The following FAM118A variants were observed in gnomAD, a reference collection of about 807,000 sequenced individuals.
The protein encoded by FAM118A is protein FAM118A.
FAM118A carries 25 observed loss-of-function variants against 38.2 expected under a neutral mutation model. The ratio of observed to expected loss-of-function variants is 0.65; its 90% CI spans 0.48 to 0.91. The LOEUF (loss-of-function observed/expected upper bound fraction) is 0.91. FAM118A is among the 40% of genes least tolerant of loss of function. The probability of loss-of-function intolerance (pLI) is 0.00; values close to 1 mark genes in which losing one functional copy is unlikely to be tolerated. For synonymous variants in FAM118A, 178 were observed against 184.1 expected, an observed-to-expected ratio of 0.97 and a Z score of 0.27; for missense variants, 425 against 463.3, an observed-to-expected ratio of 0.92 and a Z score of 0.76.
chr22:45,330,816 C>A, intron 5 of FAM118A, 85 bp downstream of exon 5: 2 of 1,381,994 alleles, frequency 1.4e-6, no homozygotes, highest in Admixed American at 3.0e-5. Flanking sequence ...GAGTGGCTTC[C>A]CAGGCTCCAG....
At chr22:45,323,538 CAG>C in intron 3 of FAM118A, 111 bp downstream of exon 3, 1 of 1,383,974 alleles carries the variant, frequency 7.2e-7, no homozygotes, top group South Asian at 1.4e-5. Context: ...CAGTGCTCAG[CAG>C]AGTCGGGCTG....
At chr22:45,309,502 T>A (rs226504), upstream of FAM118A, 66,458 of 152,360 alleles carry the variant, frequency 0.44, 18,077 homozygotes, top group Non-Finnish European at 0.62. Context: ...CAGGTCTGGG[T>A]TGGGGACAGA....
chr22:45,320,684 C>G (rs2084824989), intron 1 of FAM118A, among the ~76,000 whole-genome samples: 1 of 152,166 alleles, frequency 6.6e-6, no homozygotes, highest in African/African-American at 2.4e-5. Flanking sequence ...GGGATCCTCC[C>G]ACCTCAGCCT....
chr22:45,329,707 G>C (rs544830364), intron 4 of FAM118A: 4 of 152,396 alleles, frequency 2.6e-5, no homozygotes, highest in Non-Finnish European at 4.4e-5. Flanking sequence ...ACTCCTGCCG[G>C]TAGTGCCATG....
In FAM118A at chr22:45,336,387, A is replaced by G. The variant is rs1439743369; in HGVS notation, c.1030A>G (p.Lys344Glu). Reference protein sequence around the residue: ...KLEENGIEVSKKRTQSDTDDA... With the variant: ...KLEENGIEVSEKRTQSDTDDA... ...AGAAGAGAATGGAATTGAAGTTTCA[A>G]AAAAACGCACACAATCAGATACTGG... The change falls in exon 8 of 9, where the codon AAA becomes GAA. Residue 344 changes from lysine to glutamate, a missense_variant. Coordinates refer to ENST00000441876, the MANE Select transcript of FAM118A (RefSeq NM_017911.4). 41 of 1,613,966 alleles carry G rather than the reference A, an allele frequency of 2.5e-5. No individual in the cohort carries two copies. The highest frequency in any genetic ancestry group is 3.4e-5 in the Non-Finnish European group (40 of 1,179,918).
At chr22:45,331,400 G>A in intron 5 of FAM118A, among the ~76,000 whole-genome samples, 1 of 152,056 alleles carries the variant, frequency 6.6e-6, no homozygotes, top group East Asian at 1.9e-4. Context: ...TAAATAGACA[G>A]GGTCTTGCTC....
At chr22:45,335,162 T>G in intron 6 of FAM118A, 188 bp from the exon 7 acceptor site, 1 of 598,248 alleles carries the variant, frequency 1.7e-6, no homozygotes, top group Non-Finnish European at 3.0e-6. Flanking sequence ...CTTCAGCGAG[T>G]CCTCGCACCA....
chr22:45,316,765 T>C (rs2084625316), intron 1 of FAM118A, among the ~76,000 whole-genome samples: 1 of 152,248 alleles, frequency 6.6e-6, no homozygotes, highest in South Asian at 2.1e-4. Context: ...ACTAATAGCC[T>C]ACTGTGTTGC....
intron 1 of FAM118A, 31 bp from the exon 2 acceptor site, chr22:45,322,338 CAG>C (rs772072566): frequency 6.3e-7 from 1 of 1,598,414 alleles, no homozygotes; most frequent in African/African-American, 1.3e-5. Flanking sequence ...ACCTGGGAGA[CAG>C]AAGTCACTTC....
At chr22:45,337,106 A>G (rs562014645) in intron 8 of FAM118A, among the ~76,000 whole-genome samples, 1 of 152,212 alleles carries the variant, frequency 6.6e-6, no homozygotes, top group African/African-American at 2.4e-5. Flanking sequence ...CATTCTTTAA[A>G]TAACATACTT....
Position 45,330,728 on chromosome 22 carries a change from C to A in FAM118A, c.648C>A (p.Val216=). The stretch of plus-strand genomic sequence containing the variant: ...AAGACGTCACTCAAGACGCAGAAGT[C>A]ATGGTACGGCCCGTCCTAATTAGCA... ...GYKDVTQDAE[V]MEVLQNLYRT... Residue 216 remains valine (V), a synonymous_variant, in exon 5 of 9, where the codon GTC becomes GTA. Coordinates refer to ENST00000441876, the MANE Select transcript of FAM118A (RefSeq NM_017911.4). 1.3e-6 allele frequency: 2 copies of A among 1,568,638 alleles called. No individual in the cohort carries two copies. Among genetic ancestry groups the A allele is most frequent in the South Asian group, 1.2e-5 (1 of 84,288 alleles).
rs556667822 is a variant in FAM118A, at chr22:45,328,917, A to G, written c.522+854A>G. On this transcript the variant is annotated intron_variant, in intron 4 of 8. Coordinates refer to ENST00000441876, the MANE Select transcript of FAM118A (RefSeq NM_017911.4). ...CCGGGGAGGCCTCAGGAAGTTTCCAATAGTGGCAGAAGGCAGAGTGGGAGC... is the reference window on the plus strand; with the variant it reads ...CCGGGGAGGCCTCAGGAAGTTTCCAGTAGTGGCAGAAGGCAGAGTGGGAGC... 16 of 159,090 alleles carry G rather than the reference A, an allele frequency of 1.0e-4. No individual in the cohort carries two copies. In the South Asian group the frequency reaches 2.6e-3, roughly 26 times the overall value. 9.9% of individuals were successfully genotyped at this position (159,090 alleles called of 1,614,324 possible). A position where few individuals can be genotyped will look rare whatever the true frequency, so the allele number is the denominator to read the frequency against.
At chr22:45,311,486 C>T (rs974653872) in intron 1 of FAM118A, among the ~76,000 whole-genome samples, 3 of 152,136 alleles carry the variant, frequency 2.0e-5, no homozygotes, top group Non-Finnish European at 4.4e-5. Flanking sequence ...AAGTGTCTCG[C>T]TAGAGACCTG....
Position 45,332,573 on chromosome 22 carries a change from A to G in FAM118A, c.800A>G (p.Asn267Ser). 1 of 1,614,174 alleles carries G rather than the reference A, an allele frequency of 6.2e-7. No individual in the cohort carries two copies. Among genetic ancestry groups the G allele is most frequent in the Non-Finnish European group, 8.5e-7 (1 of 1,180,022 alleles). Residue 267 changes from asparagine to serine, a missense_variant, in exon 6 of 9, where the codon AAT becomes AGT. Physicochemically the swap from Asn to Ser is conservative, Grantham distance 46 (BLOSUM62 1). Coordinates refer to ENST00000441876, the MANE Select transcript of FAM118A (RefSeq NM_017911.4). ...CACTACATGCTTGTGCTGAAGGAGA[A>G]TGAAGACCATTTCTTTAAGCATCAG... is the stretch of plus-strand genomic sequence containing the variant. Reference protein sequence around the residue: ...LEHYMLVLKENEDHFFKHQAD... With the variant: ...LEHYMLVLKESEDHFFKHQAD...
chr22:45,338,979 T>C (rs3788649), intron 8 of FAM118A, among the ~76,000 whole-genome samples: 69,151 of 152,150 alleles, frequency 0.45, 19,582 homozygotes, highest in African/African-American at 0.8. Flanking sequence ...CGAGGGCTGG[T>C]GGCAGGGGGT....
chr22:45,311,055 C>T (rs888849774), intron 1 of FAM118A, among the ~76,000 whole-genome samples: 5 of 152,042 alleles, frequency 3.3e-5, no homozygotes, highest in African/African-American at 1.2e-4. Flanking sequence ...GAAGCTGTGT[C>T]GTCGCTGGCA....
chr22:45,309,694 C>G (rs756184080), upstream of FAM118A: 1 of 152,292 alleles, frequency 6.6e-6, no homozygotes, highest in South Asian at 2.1e-4. Context: ...CTCCCCAGCG[C>G]AAGCCCTCCC....
rs775697675 is a variant in FAM118A, at chr22:45,336,339, C to G, written c.982C>G (p.Gln328Glu). ...TTCTTCTCTTTTAGGTAATGCATGC[C>G]AGGACTGTGCAAAGAGGAAGTTAGA... ...DSTTLLGNACQDCAKRKLEEN... is the reference protein window; with the variant it reads ...DSTTLLGNACEDCAKRKLEEN... The change falls in exon 8 of 9, where the codon CAG becomes GAG. Residue 328 changes from glutamine (Q) to glutamate (E), a missense_variant. Physicochemically the swap from Gln to Glu is conservative, Grantham distance 29. Coordinates refer to ENST00000441876, the MANE Select transcript of FAM118A (RefSeq NM_017911.4). 1.2e-6 allele frequency: 2 copies of G among 1,613,456 alleles called. No homozygotes were observed. Among genetic ancestry groups the G allele is most frequent in the Non-Finnish European group, 1.7e-6 (2 of 1,179,490 alleles).
chr22:45,310,796 A>C (rs528148827), intron 1 of FAM118A, among the ~76,000 whole-genome samples: 62 of 152,324 alleles, frequency 4.1e-4, no homozygotes, highest in African/African-American at 1.3e-3. Context: ...GTGGCCCCAC[A>C]GGACAGTCTA....
Sources: gnomAD v4.1 joint callset for allele counts (sites outside exome capture counted in the v4.1 genomes callset) on GRCh38, gnomAD v4.1.1 for gene constraint, MANE v1.5 for transcripts, NCBI Gene and HGNC (gene_info 2026-07-23, HGNC 2026-07-21) for gene names.